KANSL1: variants seen among roughly 807,000 people sequenced by gnomAD.
KANSL1 encodes the protein KAT8 regulatory NSL complex subunit 1.
A neutral mutation model predicts 103.6 loss-of-function variants in KANSL1; 22 were observed. That is an observed-to-expected ratio of 0.21 (90% CI 0.15 to 0.30). KANSL1 has a LOEUF of 0.30. KANSL1 is among the 10% of genes least tolerant of loss of function. The pLI is 1.00. For synonymous variants in KANSL1, 600 were observed against 527.6 expected (o/e 1.14, Z -1.88); for missense variants, 1,337 against 1,399.8 (o/e 0.96, Z 0.72).
chr17:46,086,362 C>T (rs1232517216), intron 3 of KANSL1, among the ~76,000 whole-genome samples: 2 of 152,188 alleles, frequency 1.3e-5, no homozygotes, highest in Non-Finnish European at 2.9e-5. Flanking sequence ...AAGCTTATGT[C>T]TCTACAGGCC....
chr17:46,201,191 C>A (rs968969599), intron 1 of KANSL1, among the ~76,000 whole-genome samples: 1 of 152,204 alleles, frequency 6.6e-6, no homozygotes, highest in Non-Finnish European at 1.5e-5. Flanking sequence ...GGATTACAGG[C>A]GTGAGCCACC....
chr17:46,122,569 T>C (rs537115512), intron 2 of KANSL1, among the ~76,000 whole-genome samples: 8 of 152,290 alleles, frequency 5.3e-5, no homozygotes, highest in African/African-American at 1.7e-4. Flanking sequence ...TCTAACCTCA[T>C]CAAGCAAGTA....
chr17:46,071,503 G>A (rs993457234), intron 4 of KANSL1, among the ~76,000 whole-genome samples: 1 of 152,152 alleles, frequency 6.6e-6, no homozygotes, highest in Non-Finnish European at 1.5e-5. Context: ...ATTTCACCTA[G>A]CTCCTTAAAT....
upstream of KANSL1, among the ~76,000 whole-genome samples, chr17:46,197,523 G>T (rs1235550309): frequency 6.6e-6 from 1 of 152,178 alleles, no homozygotes; most frequent in South Asian, 2.1e-4. Context: ...CACGCCTGTA[G>T]TTCCAGCTAC....
At chr17:46,062,118 C>A (rs112263717) in intron 6 of KANSL1, among the ~76,000 whole-genome samples, 36,384 of 107,404 alleles carry the variant, frequency 0.34, 7,041 homozygotes, top group South Asian at 0.51. Flanking sequence ...AACAAACAAA[C>A]AAAAAAAAAA....
At chr17:46,089,986 C>T (rs2079320031) in intron 3 of KANSL1, among the ~76,000 whole-genome samples, 4 of 152,148 alleles carry the variant, frequency 2.6e-5, no homozygotes, top group Admixed American at 2.6e-4. Context: ...TTTATGTTCA[C>T]CCAGAACCTG....
intron 1 of KANSL1, among the ~76,000 whole-genome samples, chr17:46,208,105 G>A (rs565939286): frequency 3.0e-4 from 45 of 148,446 alleles, no homozygotes; most frequent in Admixed American, 2.8e-3. Flanking sequence ...GCAAAAATCC[G>A]TCTCAAAAAA....
At chr17:46,086,770 G>A (rs898881415) in intron 3 of KANSL1, among the ~76,000 whole-genome samples, 5 of 152,018 alleles carry the variant, frequency 3.3e-5, no homozygotes, top group South Asian at 2.1e-4. Context: ...CCTGGGCGAC[G>A]TGGCAAAACC....
intron 2 of KANSL1, among the ~76,000 whole-genome samples, chr17:46,143,103 TATACTC>T (rs1220329093): frequency 2.6e-5 from 4 of 152,234 alleles, no homozygotes; most frequent in East Asian, 1.9e-4. Flanking sequence ...ACAGCTAAAA[TATACTC>T]AAACTAAGAA....
chr17:46,151,247 G>T (rs1264571021), intron 2 of KANSL1, among the ~76,000 whole-genome samples: 1 of 152,190 alleles, frequency 6.6e-6, no homozygotes, highest in Non-Finnish European at 1.5e-5. Flanking sequence ...TCTATACCTG[G>T]ATCAGCATGC....
At chr17:46,053,374 A>C (rs1422358191) in intron 6 of KANSL1, among the ~76,000 whole-genome samples, 2 of 152,234 alleles carry the variant, frequency 1.3e-5, no homozygotes, top group Non-Finnish European at 2.9e-5. Flanking sequence ...CATGTAACTT[A>C]AACAGTAATC....
In KANSL1 at chr17:46,183,239, T is replaced by C. The variant is rs143616676; in HGVS notation, c.-90+9584A>G. Among the ~76,000 whole-genome samples the C allele has an allele frequency of 1.6e-4, 24 of 152,168 alleles. No homozygotes were observed. The East Asian group carries it at 3.5e-3, about 22-fold the overall frequency. On this transcript the variant is annotated intron_variant, in intron 1 of 14. Coordinates refer to ENST00000432791, the MANE Select transcript of KANSL1 (RefSeq NM_015443.4). Reference sequence around the variant, plus strand: ...GAGTTCAAGGCCAGCCTAGGCAACATAGCCCCCATCTAAAAAAGCCACCCA... The same window carrying C: ...GAGTTCAAGGCCAGCCTAGGCAACACAGCCCCCATCTAAAAAAGCCACCCA...
chr17:46,122,649 T>C (rs62061856), intron 2 of KANSL1, among the ~76,000 whole-genome samples: 21,584 of 151,944 alleles, frequency 0.14, 2,079 homozygotes, highest in Non-Finnish European at 0.22. Flanking sequence ...ATGGCAACCC[T>C]GCATCAAGCA....
chr17:46,039,681 T>G (rs1342938310), intron 8 of KANSL1, 21 bp downstream of exon 8: 1 of 1,605,184 alleles, frequency 6.2e-7, no homozygotes, highest in Admixed American at 1.7e-5. Context: ...CTGGGGGACT[T>G]CCCGGCTCCC....
At chr17:46,051,649 C>A (rs1298863592) in intron 6 of KANSL1, among the ~76,000 whole-genome samples, 2 of 152,138 alleles carry the variant, frequency 1.3e-5, no homozygotes, top group African/African-American at 4.8e-5. Context: ...GGACACACAG[C>A]CCCAGAAAAA....
intron 1 of KANSL1, among the ~76,000 whole-genome samples, chr17:46,208,586 T>C (rs2532423): frequency 0.16 from 21,787 of 139,988 alleles, 2,241 homozygotes; most frequent in Middle Eastern, 0.26. Flanking sequence ...CACTGCACTC[T>C]AGCCTGGATG....
intron 2 of KANSL1, among the ~76,000 whole-genome samples, chr17:46,153,281 C>T (rs2696573): frequency 0.14 from 21,944 of 152,156 alleles, 2,139 homozygotes; most frequent in Non-Finnish European, 0.22. Flanking sequence ...ACTATTAGAG[C>T]TGGAAGAGCC....
At chr17:46,101,714 A>AGC (rs2042321542) in intron 2 of KANSL1, among the ~76,000 whole-genome samples, 1 of 134,396 alleles carries the variant, frequency 7.4e-6, no homozygotes, top group Admixed American at 8.6e-5. Flanking sequence ...AGATCGTGCC[A>AGC]CTGCTCTCCA....
chr17:46,178,994 TAG>T (rs1275785672), intron 1 of KANSL1, among the ~76,000 whole-genome samples: 3 of 152,220 alleles, frequency 2.0e-5, no homozygotes, highest in Non-Finnish European at 4.4e-5. Context: ...ACTTCTAGGA[TAG>T]AGTTTCTCAA....
Sources: gnomAD v4.1 joint callset for allele counts (sites outside exome capture counted in the v4.1 genomes callset) on GRCh38, gnomAD v4.1.1 for gene constraint, MANE v1.5 for transcripts, NCBI Gene and HGNC (gene_info 2026-07-23, HGNC 2026-07-21) for gene names.